The following PITPNC1 variants were observed in gnomAD, a reference collection of about 807,000 sequenced individuals.
PITPNC1 encodes phosphatidylinositol transfer protein cytoplasmic 1, also known as cytoplasmic phosphatidylinositol transfer protein 1.
A neutral mutation model predicts 44.7 loss-of-function variants in PITPNC1; 18 were observed. The ratio of observed to expected loss-of-function variants is 0.40; its 90% CI spans 0.28 to 0.60. PITPNC1 has a LOEUF of 0.60. Ranked by LOEUF, PITPNC1 falls within the 20% of genes least tolerant of loss-of-function variation. The pLI, the probability that PITPNC1 is intolerant of heterozygous loss-of-function variation, is 0.39. For synonymous variants in PITPNC1, 141 were observed against 149.6 expected, an observed-to-expected ratio of 0.94 and a Z score of 0.42; for missense variants, 290 against 418.4, an observed-to-expected ratio of 0.69 and a Z score of 2.68.
chr17:67,632,122 T>C, intron 5 of PITPNC1, 21 bp from the exon 6 acceptor site: 1 of 1,514,606 alleles, frequency 6.6e-7, no homozygotes, highest in Non-Finnish European at 9.2e-7. Flanking sequence ...TAACCTTTGA[T>C]ATGTTGCTCT....
intron 1 of PITPNC1, among the ~76,000 whole-genome samples, chr17:67,465,185 C>G (rs1483955839): frequency 6.6e-6 from 1 of 152,200 alleles, no homozygotes; most frequent in African/African-American, 2.4e-5. Context: ...GTTGAACATA[C>G]ACCTGTCTTT....
At chr17:67,460,001 C>T (rs149202538) in intron 1 of PITPNC1, among the ~76,000 whole-genome samples, 71 of 152,314 alleles carry the variant, frequency 4.7e-4, no homozygotes, top group African/African-American at 1.6e-3. Flanking sequence ...CTATCTCTCT[C>T]GTTTCTTTCT....
chr17:67,494,223 C>T (rs1184242030), intron 1 of PITPNC1, among the ~76,000 whole-genome samples: 1 of 31,212 alleles, frequency 3.2e-5, no homozygotes, highest in Non-Finnish European at 6.3e-5. Flanking sequence ...CTTTTTGAGA[C>T]GTAGTCTTGC....
At chr17:67,468,400 CTTTT>C (rs139820910) in intron 1 of PITPNC1, among the ~76,000 whole-genome samples, 2 of 119,988 alleles carry the variant, frequency 1.7e-5, no homozygotes, top group African/African-American at 3.2e-5. Flanking sequence ...GCTTTCTTTC[CTTTT>C]TTTTTTTTTT....
intron 1 of PITPNC1, among the ~76,000 whole-genome samples, chr17:67,425,199 A>T (rs145381398): frequency 1.6e-5 from 1 of 62,602 alleles, no homozygotes; most frequent in African/African-American, 6.9e-5. Flanking sequence ...GCGCGCACGC[A>T]CACGCACACA....
At chr17:67,552,844 G>A (rs2040786635) in intron 3 of PITPNC1, among the ~76,000 whole-genome samples, 1 of 150,120 alleles carries the variant, frequency 6.7e-6, no homozygotes, top group Non-Finnish European at 1.5e-5. Context: ...GAAGGAAGGT[G>A]AAGATCTTTA....
chr17:67,615,903 A>G (rs2041751803), intron 5 of PITPNC1, among the ~76,000 whole-genome samples: 1 of 152,076 alleles, frequency 6.6e-6, no homozygotes, highest in Non-Finnish European at 1.5e-5. Context: ...GACTCCTGAG[A>G]CCATCTGTGT....
chr17:67,428,568 T>TA (rs1241397501), intron 1 of PITPNC1, among the ~76,000 whole-genome samples: 4 of 150,632 alleles, frequency 2.7e-5, no homozygotes, highest in Non-Finnish European at 5.9e-5. Flanking sequence ...AAAGAAAACA[T>TA]ACTGCGCCTA....
At chr17:67,390,458 A>C (rs553690994) in intron 1 of PITPNC1, among the ~76,000 whole-genome samples, 1 of 152,190 alleles carries the variant, frequency 6.6e-6, no homozygotes, top group Admixed American at 6.6e-5. Flanking sequence ...CTCCAGGTGC[A>C]TATCTCTGCT....
intron 2 of PITPNC1, among the ~76,000 whole-genome samples, chr17:67,544,242 G>T (rs922468009): frequency 6.6e-6 from 1 of 152,216 alleles, no homozygotes; most frequent in Non-Finnish European, 1.5e-5. Context: ...GGCATCCAAG[G>T]AATGGGGGCA....
Position 67,466,217 on chromosome 17 carries a change from C to T in PITPNC1, c.49-66585C>T, listed in dbSNP as rs576525754. On this transcript the variant is annotated intron_variant, in intron 1 of 8. Coordinates refer to ENST00000581322, the MANE Select transcript of PITPNC1 (RefSeq NM_012417.4). The stretch of plus-strand genomic sequence containing the variant: ...TGGGGTGGGGGGGTGGGGGGGGGCG[C>T]GTCTCACGATGTTGTCCAGTCTGGT... 1.5e-3 allele frequency among the ~76,000 whole-genome samples: 229 copies of T among 150,086 alleles called. 1 individual carries two copies. The highest frequency in any genetic ancestry group is 5.4e-3 in the African/African-American group (219 of 40,444).
chr17:67,647,797 T>C (rs1049926590), intron 6 of PITPNC1, among the ~76,000 whole-genome samples: 3 of 152,150 alleles, frequency 2.0e-5, no homozygotes, highest in African/African-American at 7.2e-5. Flanking sequence ...GCAGGGCATG[T>C]GTTCTCTCAC....
intron 5 of PITPNC1, among the ~76,000 whole-genome samples, chr17:67,614,807 G>A (rs952868284): frequency 6.6e-6 from 1 of 151,956 alleles, no homozygotes; most frequent in Admixed American, 6.6e-5. Context: ...AGCCCCAGGA[G>A]TTTGAGAGCA....
intron 5 of PITPNC1, among the ~76,000 whole-genome samples, chr17:67,590,489 G>T (rs146545430): frequency 6.6e-6 from 1 of 152,088 alleles, no homozygotes; most frequent in African/African-American, 2.4e-5. Flanking sequence ...CAACCCTAGG[G>T]CCTACCTGTA....
At chr17:67,652,656 G>A (rs566208276) in intron 6 of PITPNC1, among the ~76,000 whole-genome samples, 3 of 152,322 alleles carry the variant, frequency 2.0e-5, no homozygotes, top group South Asian at 4.1e-4. Flanking sequence ...GCCAGCTGCC[G>A]GGCCGAGAGG....
chr17:67,614,688 A>T lies in PITPNC1; in HGVS notation c.367-17455A>T, dbSNP rs1048831586. 1.1e-4 allele frequency among the ~76,000 whole-genome samples: 16 copies of T among 150,512 alleles called. 2 individuals are homozygous for T. The highest frequency in any genetic ancestry group is 2.2e-4 in the African/African-American group (9 of 41,302). On this transcript the variant is annotated intron_variant, in intron 5 of 8. Coordinates refer to ENST00000581322, the MANE Select transcript of PITPNC1 (RefSeq NM_012417.4). ...CTCCGTCTCAAAAAAAAAAAAAATA[A>T]ATATATAAAATAAATAAAAATAAAT...
At chr17:67,452,496 T>C (rs910446668) in intron 1 of PITPNC1, among the ~76,000 whole-genome samples, 2 of 150,854 alleles carry the variant, frequency 1.3e-5, no homozygotes, top group Non-Finnish European at 2.9e-5. Flanking sequence ...GAAGATACTT[T>C]AAGGAGTGGA....
At chr17:67,472,473 C>T (rs920380726) in intron 1 of PITPNC1, among the ~76,000 whole-genome samples, 23 of 151,114 alleles carry the variant, frequency 1.5e-4, no homozygotes, top group African/African-American at 5.4e-4. Flanking sequence ...CAGTGAAACC[C>T]CATCTCTACT....
rs569615430 is a variant in PITPNC1, at chr17:67,594,710, G to A, written c.366+16453G>A. Among the ~76,000 whole-genome samples, 121 of 152,266 alleles carry A rather than the reference G, an allele frequency of 7.9e-4. 1 individual carries two copies. The highest frequency in any genetic ancestry group is 2.7e-3 in the African/African-American group (113 of 41,550). ...TTCCCAGTTAATCATCAACAGAACC[G>A]TGGCAGAATGGAGACAGGATGAAGA... On this transcript the variant is annotated intron_variant, in intron 5 of 8. Coordinates refer to ENST00000581322, the MANE Select transcript of PITPNC1 (RefSeq NM_012417.4).
Sources: gnomAD v4.1 joint callset for allele counts (sites outside exome capture counted in the v4.1 genomes callset) on GRCh38, gnomAD v4.1.1 for gene constraint, MANE v1.5 for transcripts, NCBI Gene and HGNC (gene_info 2026-07-23, HGNC 2026-07-21) for gene names.